Variants in IKZF3 observed in about 807,000 individuals in gnomAD.
The protein encoded by IKZF3 is zinc finger protein Aiolos.
In IKZF3, 10 loss-of-function variants were observed where a neutral mutation model predicts 49.0. The observed-to-expected ratio is 0.20, with a 90% confidence interval of 0.13 to 0.35. The LOEUF (loss-of-function observed/expected upper bound fraction) is 0.35, where lower values mean the gene tolerates loss of function less well. IKZF3 is among the 10% of genes least tolerant of loss of function. IKZF3 has a pLI of 1.00. For missense variants in IKZF3, 498 were observed against 664.8 expected, an observed-to-expected ratio of 0.75 and a Z score of 2.76; for synonymous variants, 209 against 228.2, an observed-to-expected ratio of 0.92 and a Z score of 0.76.
chr17:39,855,250 A>G (rs535895884), intron 1 of IKZF3, among the ~76,000 whole-genome samples: 1 of 151,234 alleles, frequency 6.6e-6, no homozygotes, highest in South Asian at 2.1e-4. Flanking sequence ...AAAAAAAACA[A>G]GTTTTTGTCT....
intron 3 of IKZF3, among the ~76,000 whole-genome samples, chr17:39,800,780 C>G (rs1474623479): frequency 1.3e-5 from 2 of 152,134 alleles, no homozygotes; most frequent in East Asian, 3.9e-4. Flanking sequence ...TACTCCAGAG[C>G]AGACATTTTT....
chr17:39,797,819 C>A (rs1442733887), intron 3 of IKZF3, among the ~76,000 whole-genome samples: 1 of 152,036 alleles, frequency 6.6e-6, no homozygotes, highest in African/African-American at 2.4e-5. Flanking sequence ...ATCCTAAATA[C>A]TGTCCTTAAC....
chr17:39,845,703 C>T (rs1246193367), intron 1 of IKZF3, among the ~76,000 whole-genome samples: 1 of 152,082 alleles, frequency 6.6e-6, no homozygotes, highest in Non-Finnish European at 1.5e-5. Flanking sequence ...GCTTATGGAG[C>T]CCTGTTCTAG....
intron 1 of IKZF3, among the ~76,000 whole-genome samples, chr17:39,840,964 C>A (rs1398358922): frequency 2.0e-5 from 3 of 152,044 alleles, no homozygotes; most frequent in Non-Finnish European, 4.4e-5. Context: ...GTTGCTTGAG[C>A]CCAGGAGTTC....
At chr17:39,808,592 A>G (rs188998438) in intron 3 of IKZF3, among the ~76,000 whole-genome samples, 2 of 152,340 alleles carry the variant, frequency 1.3e-5, no homozygotes, top group Admixed American at 1.3e-4. Context: ...GTTATTAATT[A>G]GTTAATGAGC....
At chr17:39,836,940 T>C (rs759833468) in intron 1 of IKZF3, among the ~76,000 whole-genome samples, 12 of 152,218 alleles carry the variant, frequency 7.9e-5, no homozygotes, top group Non-Finnish European at 1.8e-4. Context: ...GTGCCTTTTT[T>C]TTCTTTTTTT....
At chr17:39,825,962 A>T (rs1018276503) in intron 3 of IKZF3, among the ~76,000 whole-genome samples, 3 of 152,176 alleles carry the variant, frequency 2.0e-5, no homozygotes, top group African/African-American at 7.2e-5. Flanking sequence ...CTATGTGAGG[A>T]GCTGCTGGAT....
At chr17:39,803,837 A>G (rs1465306827) in intron 3 of IKZF3, among the ~76,000 whole-genome samples, 1 of 152,180 alleles carries the variant, frequency 6.6e-6, no homozygotes. Context: ...AAAAACAGGA[A>G]TGAAAAAGTT....
intron 3 of IKZF3, among the ~76,000 whole-genome samples, chr17:39,802,303 G>A (rs961367466): frequency 6.7e-5 from 10 of 148,260 alleles, no homozygotes; most frequent in Admixed American, 1.3e-4. Flanking sequence ...ATAGATTTAA[G>A]TTCTCATTGA....
At chr17:39,788,004 T>C (rs1212604759) in intron 6 of IKZF3, among the ~76,000 whole-genome samples, 6 of 152,216 alleles carry the variant, frequency 3.9e-5, no homozygotes, top group Non-Finnish European at 8.8e-5. Context: ...TTACTCACCC[T>C]GTTAAGAAGT....
intron 3 of IKZF3, among the ~76,000 whole-genome samples, chr17:39,800,173 A>C (rs1277740327): frequency 6.6e-6 from 1 of 152,208 alleles, no homozygotes; most frequent in African/African-American, 2.4e-5. Flanking sequence ...TTATAGTATG[A>C]ATAATCTCAT....
At chr17:39,807,465 T>C (rs2061455037) in intron 3 of IKZF3, among the ~76,000 whole-genome samples, 1 of 149,870 alleles carries the variant, frequency 6.7e-6, no homozygotes, top group Non-Finnish European at 1.5e-5. Flanking sequence ...GGCATGATCA[T>C]GGCTCACTAG....
intron 6 of IKZF3, among the ~76,000 whole-genome samples, chr17:39,782,069 T>C (rs2037618817): frequency 6.6e-6 from 1 of 152,234 alleles, no homozygotes; most frequent in African/African-American, 2.4e-5. Context: ...TCATTGTACA[T>C]GTGAACACAC....
chr17:39,815,740 A>G (rs1010586009), intron 3 of IKZF3, among the ~76,000 whole-genome samples: 3 of 152,216 alleles, frequency 2.0e-5, no homozygotes, highest in African/African-American at 7.2e-5. Context: ...AGATAGTTAC[A>G]GTTGGTCACT....
intron 3 of IKZF3, among the ~76,000 whole-genome samples, chr17:39,811,751 G>A (rs959724997): frequency 6.6e-6 from 1 of 152,208 alleles, no homozygotes; most frequent in Non-Finnish European, 1.5e-5. Flanking sequence ...ATGAATGGAT[G>A]GTTGGATGGA....
chr17:39,770,995 G>C (rs1312169848), intron 7 of IKZF3, among the ~76,000 whole-genome samples: 1 of 152,040 alleles, frequency 6.6e-6, no homozygotes, highest in Non-Finnish European at 1.5e-5. Flanking sequence ...ACCTTTTAAG[G>C]TATGAATTAT....
chr17:39,795,027 T>A (rs1301560059), intron 3 of IKZF3, among the ~76,000 whole-genome samples: 1 of 152,208 alleles, frequency 6.6e-6, no homozygotes, highest in African/African-American at 2.4e-5. Flanking sequence ...AATGTGAACA[T>A]GACCAGACTC....
At chr17:39,836,237 T>C (rs1187188564) in intron 1 of IKZF3, among the ~76,000 whole-genome samples, 2 of 152,168 alleles carry the variant, frequency 1.3e-5, no homozygotes, top group Admixed American at 6.5e-5. Flanking sequence ...AGCTCGGCCA[T>C]AGCCTCCACC....
intron 3 of IKZF3, among the ~76,000 whole-genome samples, chr17:39,819,029 A>T (rs1276160729): frequency 2.0e-5 from 3 of 152,194 alleles, no homozygotes; most frequent in Non-Finnish European, 2.9e-5. Context: ...TATTTACACA[A>T]ACATCCTATT....
Sources: gnomAD v4.1 joint callset for allele counts (sites outside exome capture counted in the v4.1 genomes callset) on GRCh38, gnomAD v4.1.1 for gene constraint, MANE v1.5 for transcripts, NCBI Gene and HGNC (gene_info 2026-07-23, HGNC 2026-07-21) for gene names.